LRP1B: variants seen among roughly 807,000 people sequenced by gnomAD.
LRP1B encodes low-density lipoprotein receptor-related protein 1B.
In LRP1B, 217 loss-of-function variants were observed where a neutral mutation model predicts 556.6. The observed-to-expected ratio is 0.39, with a 90% CI of 0.35 to 0.44. LRP1B has a LOEUF of 0.44. Among genes scored for constraint, LRP1B ranks in the 20% least tolerant of loss-of-function variants. LRP1B has a pLI of 1.00. For synonymous variants in LRP1B, 2,047 were observed against 1,865.8 expected (o/e 1.10, Z -2.50); for missense variants, 5,053 against 5,620.8 (o/e 0.90, Z 3.23).
At chr2:141,510,195 GACACACACACACAC>G (rs59647485) in intron 2 of LRP1B, among the ~76,000 whole-genome samples, 1 of 95,110 alleles carries the variant, frequency 1.1e-5, no homozygotes, top group South Asian at 3.9e-4. Context: ...CGGCAATACA[GACACACACACACAC>G]ACACACACAC....
intron 2 of LRP1B, among the ~76,000 whole-genome samples, chr2:141,671,894 T>A (rs1186059279): frequency 2.0e-5 from 3 of 151,956 alleles, no homozygotes; most frequent in Non-Finnish European, 4.4e-5. Flanking sequence ...CTCCTGTATC[T>A]CTTATATGCC....
chr2:140,781,815 T>C (rs538299936), intron 32 of LRP1B, among the ~76,000 whole-genome samples: 1 of 152,330 alleles, frequency 6.6e-6, no homozygotes, highest in African/African-American at 2.4e-5. Context: ...CTGATACTTC[T>C]TTCTCCCTCA....
At chr2:141,016,896 T>C (rs202236424) in intron 12 of LRP1B, among the ~76,000 whole-genome samples, 1 of 152,118 alleles carries the variant, frequency 6.6e-6, no homozygotes, top group Non-Finnish European at 1.5e-5. Context: ...AATTTCTAAG[T>C]GCATTTGGAA....
chr2:140,913,718 A>G (rs916368535), intron 21 of LRP1B, among the ~76,000 whole-genome samples: 2 of 152,060 alleles, frequency 1.3e-5, no homozygotes, highest in African/African-American at 4.8e-5. Flanking sequence ...TGAATTCATT[A>G]TAAAATTCTA....
chr2:141,521,086 T>A (rs1684512220), intron 2 of LRP1B, among the ~76,000 whole-genome samples: 1 of 152,026 alleles, frequency 6.6e-6, no homozygotes, highest in South Asian at 2.1e-4. Context: ...GAAAAATACA[T>A]ATATCAGTGA....
At chr2:140,623,149 T>C (rs1227587824) in intron 41 of LRP1B, among the ~76,000 whole-genome samples, 2 of 152,206 alleles carry the variant, frequency 1.3e-5, no homozygotes, top group African/African-American at 2.4e-5. Context: ...TCCAGGTTTC[T>C]AGTTTATAAA....
chr2:140,448,072 GA>G (rs35988683), intron 63 of LRP1B, among the ~76,000 whole-genome samples: 48,595 of 150,960 alleles, frequency 0.32, 8,295 homozygotes, highest in African/African-American at 0.35. Context: ...TAATAGTAAT[GA>G]AAAAAAAATT....
chr2:140,314,316 A>T (rs545263164), intron 83 of LRP1B, among the ~76,000 whole-genome samples: 2 of 152,174 alleles, frequency 1.3e-5, no homozygotes, highest in South Asian at 4.1e-4. Context: ...AATTTAATAC[A>T]AGTCAGTAGA....
At chr2:140,836,526 AC>A (rs1417335416) in intron 31 of LRP1B, among the ~76,000 whole-genome samples, 1 of 152,160 alleles carries the variant, frequency 6.6e-6, no homozygotes, top group African/African-American at 2.4e-5. Context: ...AATTTAATTC[AC>A]TTAATTTGGA....
chr2:140,595,232 A>G (rs1682395375), intron 43 of LRP1B, among the ~76,000 whole-genome samples: 2 of 151,114 alleles, frequency 1.3e-5, no homozygotes, highest in South Asian at 4.2e-4. Context: ...ACAATTGACA[A>G]TGCTTTCATT....
intron 3 of LRP1B, among the ~76,000 whole-genome samples, chr2:141,449,384 A>G (rs1470950265): frequency 7.2e-5 from 11 of 152,212 alleles, no homozygotes; most frequent in African/African-American, 2.2e-4. Context: ...ATTTTACTGT[A>G]AGAAAAAAAT....
rs555035716 is a variant in LRP1B, at chr2:140,374,990, GT to G, written c.10639-1854del. On this transcript the variant is annotated intron_variant, in intron 68 of 90. Transcript: ENST00000389484. Reference sequence around the variant, plus strand: ...ATGTATAACTATTTCTCGTTCTTCAGTTTTTTTAAATGCCATTTACTACTTG... The same window carrying G: ...ATGTATAACTATTTCTCGTTCTTCAGTTTTTTAAATGCCATTTACTACTTG... 5.6e-3 allele frequency among the ~76,000 whole-genome samples: 851 copies of G among 152,086 alleles called. 6 individuals carry two copies. Among genetic ancestry groups the G allele is most frequent in the African/African-American group, 0.02 (824 of 41,530 alleles).
rs200310854 is a variant in LRP1B, at chr2:141,050,382, G to GT, written c.1553-1161dup. On this transcript the variant is annotated intron_variant, in intron 10 of 90. Coordinates refer to ENST00000389484, the MANE Select transcript of LRP1B (RefSeq NM_018557.3). The stretch of plus-strand genomic sequence containing the variant: ...CTGGGTACATATGCAGAGTGTGCAG[G>GT]TTTGTTACATAGATAGCATACATGC... 3.3e-3 allele frequency among the ~76,000 whole-genome samples: 507 copies of GT among 151,924 alleles called. 10 individuals carry two copies. The highest frequency in any genetic ancestry group is 0.027 in the Admixed American group (409 of 15,230).
intron 14 of LRP1B, among the ~76,000 whole-genome samples, chr2:141,006,542 T>C (rs1044285282): frequency 2.0e-5 from 3 of 152,032 alleles, no homozygotes; most frequent in Non-Finnish European, 4.4e-5. Flanking sequence ...TACTAAGAAA[T>C]GTGTAATCAC....
intron 32 of LRP1B, among the ~76,000 whole-genome samples, chr2:140,786,403 T>C (rs1368256769): frequency 2.6e-5 from 4 of 152,244 alleles, no homozygotes; most frequent in Admixed American, 2.6e-4. Flanking sequence ...ATTACATTTT[T>C]ACACTGTACC....
chr2:141,213,397 G>A (rs1431732768), intron 6 of LRP1B, among the ~76,000 whole-genome samples: 2 of 152,060 alleles, frequency 1.3e-5, no homozygotes, highest in South Asian at 2.1e-4. Context: ...CCAGCAGCTC[G>A]GGGCATCAGT....
chr2:140,546,266 C>T (rs935053593), intron 43 of LRP1B, among the ~76,000 whole-genome samples: 1 of 151,930 alleles, frequency 6.6e-6, no homozygotes, highest in Non-Finnish European at 1.5e-5. Context: ...CTTGGATGCC[C>T]CTTCTTTCTT....
chr2:141,996,807 G>A (rs1024357780), intron 1 of LRP1B, among the ~76,000 whole-genome samples: 9 of 150,552 alleles, frequency 6.0e-5, no homozygotes, highest in African/African-American at 2.0e-4. Flanking sequence ...TTTTATATAC[G>A]CATTTGAAAA....
chr2:140,841,112 A>T lies in LRP1B; in HGVS notation c.4940-20T>A, dbSNP rs74787922. 6.4e-7 allele frequency: 1 copy of T among 1,555,806 alleles called. No homozygotes were observed. The highest frequency in any genetic ancestry group is 1.4e-5 in the African/African-American group (1 of 73,194). On this transcript the variant is annotated intron_variant, in intron 29 of 90. Coordinates refer to ENST00000389484, the MANE Select transcript of LRP1B (RefSeq NM_018557.3). ...GAATATCTATAAAACAGGAAAGAGA[A>T]GATTTAAAGGTGAATGAAGTTTTTC...
Sources: gnomAD v4.1 joint callset for allele counts (sites outside exome capture counted in the v4.1 genomes callset) on GRCh38, gnomAD v4.1.1 for gene constraint, MANE v1.5 for transcripts, NCBI Gene and HGNC (gene_info 2026-07-23, HGNC 2026-07-21) for gene names.